The following RAB11FIP3 variants were observed in gnomAD, a reference collection of about 807,000 sequenced individuals.
RAB11FIP3 encodes the protein rab11 family-interacting protein 3.
A neutral mutation model predicts 77.8 loss-of-function variants in RAB11FIP3; 17 were observed. The ratio of observed to expected loss-of-function variants is 0.22; its 90% CI spans 0.15 to 0.33. The LOEUF is 0.33. Ranked by LOEUF, RAB11FIP3 falls within the 10% of genes least tolerant of loss-of-function variation. RAB11FIP3 has a pLI of 1.00. For missense variants in RAB11FIP3, 1,005 were observed against 1,011.2 expected, an observed-to-expected ratio of 0.99 and a Z score of 0.08; for synonymous variants, 437 against 448.2, an observed-to-expected ratio of 0.98 and a Z score of 0.31.
intron 5 of RAB11FIP3, among the ~76,000 whole-genome samples, chr16:492,250 G>A (rs2030290777): frequency 2.0e-5 from 3 of 152,150 alleles, no homozygotes; most frequent in Non-Finnish European, 4.4e-5. Context: ...CCCAGCCAGT[G>A]CCCATTCAGG....
intron 3 of RAB11FIP3, among the ~76,000 whole-genome samples, chr16:480,286 C>CAAAAAAAAAGAAAAAAA (rs2056011291): frequency 1.2e-5 from 1 of 80,024 alleles, no homozygotes; most frequent in African/African-American, 4.8e-5. Flanking sequence ...ACTCCTTCTC[C>CAAAAAAAAAGAAAAAAA]AAAAAAAAAA....
At chr16:492,491 G>A (rs1432880309) in intron 5 of RAB11FIP3, among the ~76,000 whole-genome samples, 6 of 96,088 alleles carry the variant, frequency 6.2e-5, no homozygotes, top group South Asian at 3.6e-4. Flanking sequence ...GGGCCCTCCC[G>A]GGAGACCCGA....
At chr16:476,372 T>C (rs1449581301) in intron 3 of RAB11FIP3, among the ~76,000 whole-genome samples, 1 of 152,214 alleles carries the variant, frequency 6.6e-6, no homozygotes, top group African/African-American at 2.4e-5. Context: ...CACTGGCTTT[T>C]GCCTGCAGGG....
At chr16:499,087 C>T (rs1045232180) in intron 6 of RAB11FIP3, among the ~76,000 whole-genome samples, 8 of 152,144 alleles carry the variant, frequency 5.3e-5, no homozygotes, top group Admixed American at 5.2e-4. Flanking sequence ...TAGCAGGTGC[C>T]TGTAATCCCA....
rs535407020 is a variant in RAB11FIP3, at chr16:514,667, G to T, written c.1640+3867G>T. 4.4e-4 allele frequency among the ~76,000 whole-genome samples: 67 copies of T among 152,350 alleles called. No homozygotes were observed. The highest frequency in any genetic ancestry group is 1.6e-3 in the African/African-American group (65 of 41,580). On this transcript the variant is annotated intron_variant, in intron 9 of 13. Coordinates refer to ENST00000262305, the MANE Select transcript of RAB11FIP3 (RefSeq NM_014700.4). The surrounding 1 kb of genome is among the most constrained non-coding windows in gnomAD (Gnocchi z 4.6). ...GCAGAGATCTGAATCTCAGGACACA[G>T]GGCCCGGGAGAGGTTCTAGGAAAGG...
chr16:490,689 G>A (rs1313375164), intron 5 of RAB11FIP3, among the ~76,000 whole-genome samples: 1 of 152,216 alleles, frequency 6.6e-6, no homozygotes, highest in Non-Finnish European at 1.5e-5. Flanking sequence ...GTTTTTGCTA[G>A]AGGTGGTTTT....
chr16:440,660 A>T (rs2055210043), intron 1 of RAB11FIP3, among the ~76,000 whole-genome samples: 1 of 152,256 alleles, frequency 6.6e-6, no homozygotes, highest in African/African-American at 2.4e-5. Context: ...CCTCACAAAG[A>T]TGTTCAAAAT....
intron 5 of RAB11FIP3, among the ~76,000 whole-genome samples, chr16:492,362 T>TCCCGGGAGACCCGAGGCCG (rs2030354690): frequency 1.6e-5 from 1 of 63,668 alleles, no homozygotes; most frequent in African/African-American, 7.9e-5. Flanking sequence ...GAAGAGGGTC[T>TCCCGGGAGACCCGAGGCCG]TCCCGGGAGA....
intron 4 of RAB11FIP3, among the ~76,000 whole-genome samples, chr16:488,600 G>A (rs1596264329): frequency 6.6e-6 from 1 of 152,082 alleles, no homozygotes; most frequent in East Asian, 1.9e-4. Flanking sequence ...TTGCAGTTGA[G>A]GCCTCCCCCT....
rs190789962 is a variant in RAB11FIP3 at position 516,510 on chromosome 16, G to A, written c.1641-2433G>A. Among the ~76,000 whole-genome samples the A allele has an allele frequency of 1.8e-3, 281 of 152,360 alleles. 2 individuals are homozygous for A. The highest frequency in any genetic ancestry group is 6.5e-3 in the African/African-American group (269 of 41,582). Reference sequence around the variant, plus strand: ...GCTGGAACAGTTTAACAAACTCATAGTGACAGCCTTGGATTACAATCCAAA... The same window carrying A: ...GCTGGAACAGTTTAACAAACTCATAATGACAGCCTTGGATTACAATCCAAA... On this transcript the variant is annotated intron_variant, in intron 9 of 13. Coordinates refer to ENST00000262305, the MANE Select transcript of RAB11FIP3 (RefSeq NM_014700.4).
At chr16:442,914 TC>T (rs2055251057) in intron 1 of RAB11FIP3, among the ~76,000 whole-genome samples, 1 of 152,144 alleles carries the variant, frequency 6.6e-6, no homozygotes, top group South Asian at 2.1e-4. Context: ...TTTATTTCAT[TC>T]CAACATCGGG....
chr16:458,000 T>G (rs953078208), intron 1 of RAB11FIP3, among the ~76,000 whole-genome samples: 2 of 152,250 alleles, frequency 1.3e-5, no homozygotes, highest in East Asian at 1.9e-4. Context: ...AGAGTCACGC[T>G]AGCACACAGA....
chr16:458,454 ACC>A (rs1567368132), intron 1 of RAB11FIP3, among the ~76,000 whole-genome samples: 10 of 147,776 alleles, frequency 6.8e-5, no homozygotes, highest in African/African-American at 7.6e-5. Flanking sequence ...CCTCGGGTTC[ACC>A]GATGCCCACA....
intron 1 of RAB11FIP3, among the ~76,000 whole-genome samples, chr16:446,542 C>T (rs1372467080): frequency 1.3e-5 from 2 of 152,286 alleles, no homozygotes; most frequent in South Asian, 2.1e-4. Context: ...GTCACCTGCA[C>T]GTGGTCTCAT....
chr16:495,601 C>G (rs375432209), intron 5 of RAB11FIP3, among the ~76,000 whole-genome samples: 1 of 152,142 alleles, frequency 6.6e-6, no homozygotes, highest in Non-Finnish European at 1.5e-5. Flanking sequence ...GTTCACTCCT[C>G]GGCTCCCTCT....
chr16:450,769 C>A (rs1233138574), intron 1 of RAB11FIP3, among the ~76,000 whole-genome samples: 2 of 152,150 alleles, frequency 1.3e-5, no homozygotes, highest in Non-Finnish European at 2.9e-5. Flanking sequence ...GGCTCGCATT[C>A]TAGAGAAGCG....
chr16:515,908 C>A (rs2032393604), intron 9 of RAB11FIP3, among the ~76,000 whole-genome samples: 1 of 152,224 alleles, frequency 6.6e-6, no homozygotes, highest in African/African-American at 2.4e-5. Context: ...CCATCCCCAC[C>A]CTAGAGGAGG....
intron 9 of RAB11FIP3, among the ~76,000 whole-genome samples, chr16:513,882 C>T (rs2032292767): frequency 6.6e-6 from 1 of 152,190 alleles, no homozygotes; most frequent in African/African-American, 2.4e-5. Flanking sequence ...CAGTGTTTTC[C>T]CCGGGCCTTG....
intron 5 of RAB11FIP3, among the ~76,000 whole-genome samples, chr16:489,771 T>C (rs565242165): frequency 7.2e-4 from 110 of 152,312 alleles, no homozygotes; most frequent in African/African-American, 2.5e-3. Flanking sequence ...TGGAGGGCGG[T>C]GCAGGAGGGG....
Sources: allele counts gnomAD v4.1 joint callset (sites outside exome capture counted in the v4.1 genomes callset), GRCh38; gene constraint gnomAD v4.1.1; non-coding constraint Gnocchi (gnomAD v3.1); transcripts MANE v1.5; gene names NCBI Gene and HGNC (gene_info 2026-07-23, HGNC 2026-07-21).